The following ADRA1A variants were observed in gnomAD, a reference collection of about 807,000 sequenced individuals.
ADRA1A encodes alpha-1A adrenergic receptor.
ADRA1A carries 31 observed loss-of-function variants against 29.6 expected under a neutral mutation model. The observed-to-expected ratio is 1.05, with a 90% CI of 0.79 to 1.41. ADRA1A has a LOEUF of 1.41. Among genes scored for constraint, ADRA1A ranks in the 40% most tolerant of loss-of-function variants. The probability of loss-of-function intolerance (pLI) is 0.00; values close to 1 mark genes in which losing one functional copy is unlikely to be tolerated. For missense variants in ADRA1A, 619 were observed against 601.1 expected, an observed-to-expected ratio of 1.03 and a Z score of -0.31; for synonymous variants, 311 against 254.3, an observed-to-expected ratio of 1.22 and a Z score of -2.12.
chr8:26,856,245 G>A (rs1174566002), intron 2 of ADRA1A, among the ~76,000 whole-genome samples: 1 of 152,214 alleles, frequency 6.6e-6, no homozygotes, highest in Non-Finnish European at 1.5e-5. Flanking sequence ...GAACGATGTG[G>A]CAGCTCACGG....
rs1312049882 is a variant in ADRA1A at position 26,805,353 on chromosome 8, T to A, written c.884-34687A>T. ...ATTGAATTAATATTTCTGGTTTGGATCTACAAGGTGGGAATTATTCCCACT... is the reference window on the plus strand; with the variant it reads ...ATTGAATTAATATTTCTGGTTTGGAACTACAAGGTGGGAATTATTCCCACT... On this transcript the variant is annotated intron_variant, in intron 2 of 2. Coordinates refer to ENST00000380573, the MANE Select transcript of ADRA1A (RefSeq NM_000680.4). The surrounding 1 kb of genome is among the most constrained non-coding windows in gnomAD (Gnocchi z 4.8). 2.0e-5 allele frequency among the ~76,000 whole-genome samples: 3 copies of A among 152,218 alleles called. No homozygotes were observed. The highest frequency in any genetic ancestry group is 4.4e-5 in the Non-Finnish European group (3 of 68,042).
rs73562197 is a variant in ADRA1A, at chr8:26,824,178, A to G, written c.883+39909T>C. On this transcript the variant is annotated intron_variant, in intron 2 of 2. Transcript: ENST00000380573. ...ATATAATATTTTTCCATCTGTTCAG[A>G]AAGAAAGGCACTTAGAACTTCAGAA... is the stretch of plus-strand genomic sequence containing the variant. Among the ~76,000 whole-genome samples, 404 of 152,282 alleles carry G rather than the reference A, an allele frequency of 2.7e-3. 1 individual carries two copies. The highest frequency in any genetic ancestry group is 8.5e-3 in the African/African-American group (355 of 41,556).
At position 26,787,896 on chromosome 8, in the gene ADRA1A, G is replaced by A. The variant is rs1209288758; in HGVS notation, c.884-17230C>T. 1.4e-5 allele frequency among the ~76,000 whole-genome samples: 2 copies of A among 145,336 alleles called. No homozygotes were observed. The highest frequency in any genetic ancestry group is 2.2e-4 in the East Asian group (1 of 4,594). On this transcript the variant is annotated intron_variant, in intron 2 of 2. Coordinates refer to ENST00000380573, the MANE Select transcript of ADRA1A (RefSeq NM_000680.4). This position sits in a 1 kb window ranked among gnomAD's most constrained non-coding sequence, Gnocchi z 4.2. ...TTTCAGGGTATCTTCTCAGTCATTAGTGCTATCTTGTCTATTTTTTTTTTT... is the reference window on the plus strand; with the variant it reads ...TTTCAGGGTATCTTCTCAGTCATTAATGCTATCTTGTCTATTTTTTTTTTT...
intron 2 of ADRA1A, among the ~76,000 whole-genome samples, chr8:26,824,056 G>C (rs762860113): frequency 1.4e-4 from 21 of 152,064 alleles, no homozygotes; most frequent in Non-Finnish European, 4.4e-5. Context: ...TGCTGTACTG[G>C]CCACTGTCTG....
At chr8:26,790,170 A>G (rs1807712284) in intron 2 of ADRA1A, among the ~76,000 whole-genome samples, 1 of 152,166 alleles carries the variant, frequency 6.6e-6, no homozygotes, top group Non-Finnish European at 1.5e-5. Context: ...GTTTATTGCA[A>G]TGCTATTCAC....
chr8:26,839,599 G>A (rs746145592), intron 2 of ADRA1A, among the ~76,000 whole-genome samples: 3 of 152,100 alleles, frequency 2.0e-5, no homozygotes, highest in Non-Finnish European at 4.4e-5. Context: ...CCTGTCTGGC[G>A]CCTGGTAGAC....
At chr8:26,838,049 C>G (rs1265557339) in intron 2 of ADRA1A, among the ~76,000 whole-genome samples, 2 of 152,196 alleles carry the variant, frequency 1.3e-5, no homozygotes, top group Admixed American at 1.3e-4. Context: ...AATCACAAGA[C>G]TTGTATTTCT....
At chr8:26,833,031 C>T (rs891993022) in intron 2 of ADRA1A, among the ~76,000 whole-genome samples, 21 of 152,146 alleles carry the variant, frequency 1.4e-4, no homozygotes, top group African/African-American at 3.6e-4. Flanking sequence ...GCCCATTGCA[C>T]GGGTGCACGA....
At chr8:26,758,287 T>C (rs1046437142) in intron 2 of ADRA1A, among the ~76,000 whole-genome samples, 3 of 152,196 alleles carry the variant, frequency 2.0e-5, no homozygotes, top group Non-Finnish European at 2.9e-5. Flanking sequence ...GACCAGCTCC[T>C]GGAAATGTAA....
chr8:26,787,216 C>A lies in ADRA1A; in HGVS notation c.884-16550G>T, dbSNP rs1482069100. On this transcript the variant is annotated intron_variant, in intron 2 of 2. Coordinates refer to ENST00000380573, the MANE Select transcript of ADRA1A (RefSeq NM_000680.4). The surrounding 1 kb of genome is among the most constrained non-coding windows in gnomAD (Gnocchi z 4.2). ...TTTATAGTGAAAATAGTGCACAGAG[C>A]CATAGTACTTGAAGTTCAAAACAAA... Among the ~76,000 whole-genome samples the A allele has an allele frequency of 6.6e-6, 1 of 152,092 alleles. No individual in the cohort carries two copies. The highest frequency in any genetic ancestry group is 2.4e-5 in the African/African-American group (1 of 41,382).
chr8:26,766,290 A>C, downstream of ADRA1A: 1 of 662,614 alleles, frequency 1.5e-6, no homozygotes, highest in Non-Finnish European at 2.7e-6. Context: ...CTTCAATACA[A>C]CACCCGATAT....
chr8:26,859,188 ATT>A, intron 2 of ADRA1A: 1 of 1,288,916 alleles, frequency 7.8e-7, no homozygotes, highest in South Asian at 1.2e-5. Context: ...AGCACGTCAT[ATT>A]TAAGAATGTA....
intron 2 of ADRA1A, among the ~76,000 whole-genome samples, chr8:26,781,864 T>A (rs915717548): frequency 6.6e-6 from 1 of 152,170 alleles, no homozygotes; most frequent in African/African-American, 2.4e-5. Flanking sequence ...ATATTCAGCT[T>A]AAAGGCTAAA....
chr8:26,850,225 T>C (rs1812527685), intron 2 of ADRA1A, among the ~76,000 whole-genome samples: 2 of 151,832 alleles, frequency 1.3e-5, no homozygotes, highest in Non-Finnish European at 2.9e-5. Context: ...TTTAATTTAA[T>C]AGAGAAAAAA....
Position 26,864,997 on chromosome 8 carries a change from G to A in ADRA1A, c.-28C>T, listed in dbSNP as rs761990725. The A allele has an allele frequency of 7.1e-6, 11 of 1,553,368 alleles. No individual in the cohort carries two copies. In the East Asian group the frequency reaches 9.0e-5, roughly 13 times the overall value. On this transcript the variant is annotated 5_prime_UTR_variant, in exon 2 of 3. Transcript: ENST00000380573. The surrounding 1 kb of genome is among the most constrained non-coding windows in gnomAD (Gnocchi z 8.1). ...TCCCAGCCGGGGCCGGGCGAGGTCCGGCTGTCCAGGGCCACCTCCCGGGCT... is the reference window on the plus strand; with the variant it reads ...TCCCAGCCGGGGCCGGGCGAGGTCCAGCTGTCCAGGGCCACCTCCCGGGCT...
rs149420840 is a variant in ADRA1A, at chr8:26,760,635, A to G, written c.1270-3856T>C. On this transcript the variant is annotated intron_variant, in intron 2 of 2. Transcript: ENST00000380582. ...TCACAGGGCTCTCATGTGGTCCTCA[A>G]TGCCCCAGTTCCCAAGATTGGGCTC... 5.1e-3 allele frequency among the ~76,000 whole-genome samples: 774 copies of G among 152,226 alleles called. 8 individuals carry two copies. Among genetic ancestry groups the G allele is most frequent in the African/African-American group, 0.018 (729 of 41,518 alleles).
chr8:26,766,110 C>T (rs960306452), downstream of ADRA1A: 3 of 1,613,592 alleles, frequency 1.9e-6, no homozygotes, highest in Non-Finnish European at 1.7e-6. Context: ...TTGATATGCT[C>T]TCTGCAATTC....
intron 2 of ADRA1A, among the ~76,000 whole-genome samples, chr8:26,824,793 G>T (rs1445702192): frequency 6.6e-6 from 1 of 152,180 alleles, no homozygotes; most frequent in Non-Finnish European, 1.5e-5. Context: ...CATTTCCTCA[G>T]AGTGACTAAT....
rs112935364 is a variant in ADRA1A, at chr8:26,866,121, C to G, written c.-686-466G>C. On this transcript the variant is annotated intron_variant, in intron 1 of 2. Coordinates refer to ENST00000380573, the MANE Select transcript of ADRA1A (RefSeq NM_000680.4). The surrounding 1 kb of genome is among the most constrained non-coding windows in gnomAD (Gnocchi z 5.7). ...GGAGGGGGCGGCCTGGGAGAGGGAA[C>G]AGCTGCGACCCAGGGACCTCAGGGC... 5.9e-5 allele frequency among the ~76,000 whole-genome samples: 9 copies of G among 152,274 alleles called. No individual in the cohort carries two copies. Among genetic ancestry groups the G allele is most frequent in the African/African-American group, 9.6e-5 (4 of 41,582 alleles).
Sources: allele counts gnomAD v4.1 joint callset (sites outside exome capture counted in the v4.1 genomes callset), GRCh38; gene constraint gnomAD v4.1.1; non-coding constraint Gnocchi (gnomAD v3.1); transcripts MANE v1.5; gene names NCBI Gene and HGNC (gene_info 2026-07-23, HGNC 2026-07-21).